Variants in RASGRF2 observed in about 807,000 individuals in gnomAD.
RASGRF2 encodes ras-specific guanine nucleotide-releasing factor 2.
RASGRF2 carries 76 observed loss-of-function variants against 151.0 expected under a neutral mutation model. The observed-to-expected ratio is 0.50, with a 90% CI of 0.42 to 0.61. The LOEUF is 0.61. Ranked by LOEUF, RASGRF2 falls within the 20% of genes least tolerant of loss-of-function variation. The pLI is 0.00. For synonymous variants in RASGRF2, 504 were observed against 566.5 expected, an observed-to-expected ratio of 0.89 and a Z score of 1.57; for missense variants, 1,148 against 1,564.6, an observed-to-expected ratio of 0.73 and a Z score of 4.49.
chr5:81,005,749 C>T lies in RASGRF2; in HGVS notation c.289-37128C>T, dbSNP rs186483754. Among the ~76,000 whole-genome samples the T allele has an allele frequency of 4.6e-4, 70 of 152,246 alleles. 1 individual carries two copies. The East Asian group carries it at 0.012, about 25-fold the overall frequency. On this transcript the variant is annotated intron_variant, in intron 1 of 26. Transcript: ENST00000265080. ...ACATATATTTTATTTCTTTTGGGTA[C>T]ATACTGAAGAGTGGAGAGACATATT...
chr5:81,104,300 GATAA>G (rs1044434747), intron 12 of RASGRF2, among the ~76,000 whole-genome samples: 1 of 151,966 alleles, frequency 6.6e-6, no homozygotes, highest in African/African-American at 2.4e-5. Context: ...AAAACATTAA[GATAA>G]ATAAAAGTCT....
rs889998679 is a variant in RASGRF2 at position 81,227,030 on chromosome 5, C to T, written c.*1260C>T. ...TAGGGCTATCTCATTGTTTACCTCC[C>T]TCTTCTCTTCTCAGGGAGACTGCTG... On this transcript the variant is annotated 3_prime_UTR_variant, in exon 27 of 27. Coordinates refer to ENST00000265080, the MANE Select transcript of RASGRF2 (RefSeq NM_006909.3). 1 of 152,190 alleles carries T rather than the reference C, an allele frequency of 6.6e-6. No homozygotes were observed. Among genetic ancestry groups the T allele is most frequent in the Non-Finnish European group, 1.5e-5 (1 of 68,044 alleles). The allele number at this position is 152,190 out of a possible 1,614,324, so 9.4% of individuals were successfully genotyped here.
In RASGRF2 at chr5:81,090,609, C is replaced by T. The variant is rs369563567; in HGVS notation, c.1391-2192C>T. On this transcript the variant is annotated intron_variant, in intron 9 of 26. Transcript: ENST00000265080. ...TCAGATGTATACATTTCTGTATGTA[C>T]CTAATGTACACAGTCTCCTATGTCT... is the stretch of plus-strand genomic sequence containing the variant. Among the ~76,000 whole-genome samples the T allele has an allele frequency of 5.6e-4, 85 of 152,156 alleles. 1 individual carries two copies. Among genetic ancestry groups the T allele is most frequent in the Non-Finnish European group, 1.0e-3 (68 of 68,000 alleles).
chr5:81,140,349 AT>A (rs1753854440), intron 17 of RASGRF2, among the ~76,000 whole-genome samples: 1 of 152,148 alleles, frequency 6.6e-6, no homozygotes, highest in African/African-American at 2.4e-5. Context: ...TATATTAAAA[AT>A]ATTTAAACAT....
At chr5:81,148,153 T>C (rs1426021262) in intron 17 of RASGRF2, among the ~76,000 whole-genome samples, 2 of 152,214 alleles carry the variant, frequency 1.3e-5, no homozygotes, top group African/African-American at 2.4e-5. Flanking sequence ...ATCTTCCTCT[T>C]CTGACAGTTG....
intron 12 of RASGRF2, among the ~76,000 whole-genome samples, chr5:81,098,145 C>A (rs1352663062): frequency 6.6e-6 from 1 of 152,100 alleles, no homozygotes; most frequent in African/African-American, 2.4e-5. Flanking sequence ...TGGATTAGAG[C>A]TGAGATGTGA....
At chr5:81,094,474 A>C in intron 11 of RASGRF2, 112 bp downstream of exon 11, 1 of 1,005,426 alleles carries the variant, frequency 9.9e-7, no homozygotes, top group South Asian at 1.6e-5. Flanking sequence ...CATTTAGCCC[A>C]TGAGCCTTGT....
At chr5:80,964,359 C>T (rs754959874) in intron 1 of RASGRF2, among the ~76,000 whole-genome samples, 15 of 151,938 alleles carry the variant, frequency 9.9e-5, no homozygotes, top group Non-Finnish European at 1.9e-4. Flanking sequence ...CGTTTTGTTC[C>T]AGGTGAAGGA....
At chr5:80,969,490 C>T (rs573761387) in intron 1 of RASGRF2, among the ~76,000 whole-genome samples, 1 of 149,756 alleles carries the variant, frequency 6.7e-6, no homozygotes, top group East Asian at 2.0e-4. Flanking sequence ...ACTCTGTCAC[C>T]CACGCTGGAG....
chr5:80,966,426 A>G (rs952474005), intron 1 of RASGRF2, among the ~76,000 whole-genome samples: 7 of 152,208 alleles, frequency 4.6e-5, no homozygotes, highest in East Asian at 3.8e-4. Context: ...TTTGTTAAAT[A>G]TCAACATAGC....
At chr5:81,075,169 G>A (rs935029198) in intron 5 of RASGRF2, among the ~76,000 whole-genome samples, 2 of 152,202 alleles carry the variant, frequency 1.3e-5, no homozygotes, top group Non-Finnish European at 2.9e-5. Context: ...TTATAATGGA[G>A]GCAGTATAAG....
intron 17 of RASGRF2, among the ~76,000 whole-genome samples, chr5:81,175,211 C>T (rs1306171081): frequency 6.6e-6 from 1 of 152,170 alleles, no homozygotes; most frequent in Non-Finnish European, 1.5e-5. Context: ...AGCCGCATTA[C>T]TTATGGTACT....
intron 2 of RASGRF2, among the ~76,000 whole-genome samples, chr5:81,044,441 G>C (rs1750772601): frequency 2.0e-5 from 3 of 151,828 alleles, no homozygotes; most frequent in Admixed American, 1.3e-4. Context: ...CACACAATGA[G>C]GTATTTATTC....
At position 81,106,214 on chromosome 5, in the gene RASGRF2, G is replaced by GT. The variant is rs532200612; in HGVS notation, c.1756-2775dup. ...CCATGGCCATCTTTGATTTTACCTT[G>GT]TTTTTTTCTCTTGCTTTTATTCAGT... On this transcript the variant is annotated intron_variant, in intron 12 of 26. Coordinates refer to ENST00000265080, the MANE Select transcript of RASGRF2 (RefSeq NM_006909.3). 1.5e-3 allele frequency among the ~76,000 whole-genome samples: 227 copies of GT among 151,994 alleles called. 1 individual carries two copies. The highest frequency in any genetic ancestry group is 5.2e-3 in the African/African-American group (216 of 41,456).
intron 2 of RASGRF2, among the ~76,000 whole-genome samples, chr5:81,064,516 G>C (rs1751537800): frequency 6.6e-6 from 1 of 152,198 alleles, no homozygotes; most frequent in Non-Finnish European, 1.5e-5. Flanking sequence ...GGGATCATTA[G>C]GGGGCCATCT....
chr5:81,164,730 G>A lies in RASGRF2; in HGVS notation c.2687-15445G>A, dbSNP rs538030959. Among the ~76,000 whole-genome samples the A allele has an allele frequency of 1.0e-3, 153 of 152,262 alleles. 1 individual carries two copies. Among genetic ancestry groups the A allele is most frequent in the African/African-American group, 3.5e-3 (147 of 41,544 alleles). ...TCTTGGGGAGCTTCTATTGCCTTCT[G>A]GCAGTTGCATACCAATTAGTAAGTA... On this transcript the variant is annotated intron_variant, in intron 17 of 26. Coordinates refer to ENST00000265080, the MANE Select transcript of RASGRF2 (RefSeq NM_006909.3).
intron 12 of RASGRF2, among the ~76,000 whole-genome samples, chr5:81,098,377 C>A (rs1448963767): frequency 5.9e-5 from 9 of 151,934 alleles, no homozygotes; most frequent in Non-Finnish European, 1.3e-4. Context: ...AGAGAGAGAT[C>A]CGGGTAGGAG....
intron 18 of RASGRF2, among the ~76,000 whole-genome samples, chr5:81,186,445 A>G (rs1023111149): frequency 2.0e-5 from 3 of 152,162 alleles, no homozygotes; most frequent in Non-Finnish European, 2.9e-5. Flanking sequence ...GTCAAATGAT[A>G]TTCGTTTCTC....
chr5:81,146,780 TG>T (rs1419248348), intron 17 of RASGRF2, among the ~76,000 whole-genome samples: 1 of 152,212 alleles, frequency 6.6e-6, no homozygotes, highest in Non-Finnish European at 1.5e-5. Context: ...GGTGTAAATC[TG>T]ATTGTTCATC....
Sources: allele counts gnomAD v4.1 joint callset (sites outside exome capture counted in the v4.1 genomes callset), GRCh38; gene constraint gnomAD v4.1.1; transcripts MANE v1.5; gene names NCBI Gene and HGNC (gene_info 2026-07-23, HGNC 2026-07-21).